Variants in MYH7B observed in about 807,000 individuals in gnomAD.
The protein encoded by MYH7B is myosin-7B.
A neutral mutation model predicts 234.5 loss-of-function variants in MYH7B; 205 were observed. The ratio of observed to expected loss-of-function variants is 0.87; its 90% CI spans 0.78 to 0.98. The LOEUF (loss-of-function observed/expected upper bound fraction) is 0.98, where lower values mean the gene tolerates loss of function less well. Among genes scored for constraint, MYH7B ranks in the 50% least tolerant of loss-of-function variants. The pLI is 0.00. For missense variants in MYH7B, 2,652 were observed against 2,633.4 expected, an observed-to-expected ratio of 1.01 and a Z score of -0.15; for synonymous variants, 1,193 against 1,105.0, an observed-to-expected ratio of 1.08 and a Z score of -1.58.
chr20:34,958,013 C>T (rs3761142), intron 1 of MYH7B, among the ~76,000 whole-genome samples, 85 bp from the exon 2 acceptor site: 44,498 of 152,016 alleles, frequency 0.29, 6,831 homozygotes, highest in African/African-American at 0.34. Flanking sequence ...GAAGAGGCTC[C>T]TGGGTCAACC....
chr20:34,983,467 C>T (rs1281405535), intron 10 of MYH7B, among the ~76,000 whole-genome samples: 2 of 151,904 alleles, frequency 1.3e-5, no homozygotes, highest in Non-Finnish European at 1.5e-5. Flanking sequence ...TCTCTGGGGA[C>T]GTAACAGAAA....
At chr20:34,999,479 G>A (rs913060818) in intron 36 of MYH7B, 74 bp downstream of exon 36, 8 of 1,525,932 alleles carry the variant, frequency 5.2e-6, no homozygotes, top group Non-Finnish European at 7.0e-6. Context: ...GGGGTGCCCT[G>A]GTGGGGCCAC....
Position 34,984,784 on chromosome 20 carries a change from C to T in MYH7B, c.648+69C>T, listed in dbSNP as rs937038648. The T allele has an allele frequency of 1.3e-5, 20 of 1,597,768 alleles. 1 individual carries two copies. In the South Asian group the frequency reaches 2.2e-4, roughly 18 times the overall value. ...CCCTTCCTCTGCACAACAGAGGGGC[C>T]ACGGGTGGCTCTGGCCTCCCGGTGG... On this transcript the variant is annotated intron_variant, in intron 11 of 44. Transcript: ENST00000262873.
At chr20:34,976,332 G>A (rs756480106) in intron 3 of MYH7B, among the ~76,000 whole-genome samples, 1 of 152,204 alleles carries the variant, frequency 6.6e-6, no homozygotes, top group East Asian at 1.9e-4. Flanking sequence ...GGAGCGCATC[G>A]GTCGGAGGAC....
At chr20:34,993,556 T>C (rs1222677966) in intron 26 of MYH7B, 86 bp downstream of exon 26, 3 of 1,383,980 alleles carry the variant, frequency 2.2e-6, no homozygotes, top group African/African-American at 2.9e-5. Context: ...CCTAACATGC[T>C]GCCCTGTAGT....
exon 3 of MYH7B, chr20:34,975,433 T>C: frequency 1.5e-6 from 1 of 677,162 alleles, no homozygotes; most frequent in Admixed American, 2.3e-5. Context: ...CAGGCTGGTC[T>C]TGAACTCCTG....
rs374653674 is a variant in MYH7B at position 34,984,867 on chromosome 20, A to G, written c.662A>G (p.Asp221Gly). The G allele has an allele frequency of 6.7e-5, 108 of 1,613,832 alleles. No homozygotes were observed. Among genetic ancestry groups the G allele is most frequent in the Non-Finnish European group, 8.6e-5 (101 of 1,179,894 alleles). ...CCACCGCCCCAGGGCACCCTTGAGGATCAAATCATCGAGGCCAACCCTGCC... is the reference window on the plus strand; with the variant it reads ...CCACCGCCCCAGGGCACCCTTGAGGGTCAAATCATCGAGGCCAACCCTGCC... Residue 221 changes from aspartate to glycine, a missense_variant, in exon 12 of 45, where the codon GAT (aspartate) becomes GGT (glycine). Asp to Gly is a moderately conservative substitution (Grantham distance 94). Transcript: ENST00000262873.
chr20:34,980,557 C>T, intron 7 of MYH7B, 21 bp from the exon 8 acceptor site: 1 of 1,598,848 alleles, frequency 6.3e-7, no homozygotes, highest in Non-Finnish European at 8.6e-7. Flanking sequence ...AACATAAACC[C>T]TACCTATACT....
exon 27 of MYH7B, chr20:34,994,290 G>A: frequency 6.2e-7 from 1 of 1,611,750 alleles, no homozygotes; most frequent in East Asian, 2.2e-5. Context: ...GGGCAGAGCT[G>A]CGGGGGTTGC....
At chr20:34,994,173 C>G (rs749769761) in exon 27 of MYH7B, 1 of 1,613,408 alleles carries the variant, frequency 6.2e-7, no homozygotes, top group South Asian at 1.1e-5. Flanking sequence ...TCCAGTGGAA[C>G]ATCCGTGCCT....
intron 2 of MYH7B, among the ~76,000 whole-genome samples, 194 bp from the exon 3 acceptor site, chr20:34,975,206 C>T (rs1049509791): frequency 6.6e-6 from 1 of 152,042 alleles, no homozygotes; most frequent in East Asian, 1.9e-4. Flanking sequence ...GTACAGGGTA[C>T]GGTTTTGTTT....
At chr20:34,997,667 C>T (rs1233149623) in intron 32 of MYH7B, 27 bp downstream of exon 32, 5 of 1,611,110 alleles carry the variant, frequency 3.1e-6, no homozygotes, top group African/African-American at 2.7e-5. Flanking sequence ...CACCCCATAC[C>T]CACCCTGACT....
intron 22 of MYH7B, 35 bp downstream of exon 22, chr20:34,990,345 T>G: frequency 6.2e-7 from 1 of 1,612,654 alleles, no homozygotes; most frequent in Admixed American, 1.7e-5. Flanking sequence ...CCCTCCCTCT[T>G]GGCAGCCTCC....
Position 34,992,969 on chromosome 20 carries a change from C to T in MYH7B, c.2184-133C>T, listed in dbSNP as rs878882719. ...CATGTGCCCTGCTGGAACCTCTGCA[C>T]CAGCCTCGGAGAGGCCCAGGAACGA... On this transcript the variant is annotated intron_variant, in intron 24 of 44. Coordinates refer to ENST00000262873, the Ensembl canonical transcript of MYH7B. 2.1e-5 allele frequency: 24 copies of T among 1,152,388 alleles called. No homozygotes were observed. In the South Asian group the frequency reaches 2.4e-4, roughly 11 times the overall value. The allele number at this position is 1,152,388 out of a possible 1,614,324, so 71.4% of individuals were successfully genotyped here.
chr20:34,993,055 GC>G lies in MYH7B; in HGVS notation c.2184-43del, dbSNP rs1182797996. On this transcript the variant is annotated intron_variant, in intron 24 of 44. Coordinates refer to ENST00000262873, the Ensembl canonical transcript of MYH7B. Reference sequence around the variant, plus strand: ...GACTTCCCCATTCTCAGTGGCCTGTGCCCCATACCCAGCCCTCTCCTGACCA... The same window carrying G: ...GACTTCCCCATTCTCAGTGGCCTGTGCCCATACCCAGCCCTCTCCTGACCA... 20 of 1,585,208 alleles carry G rather than the reference GC, an allele frequency of 1.3e-5. No homozygotes were observed. In the Admixed American group the frequency reaches 3.2e-4, roughly 26 times the overall value.
intron 2 of MYH7B, among the ~76,000 whole-genome samples, chr20:34,962,438 G>C (rs2081706557): frequency 6.6e-6 from 1 of 152,038 alleles, no homozygotes; most frequent in Admixed American, 6.6e-5. Context: ...TTATCCCTCT[G>C]TATCTGTGGG....
chr20:34,987,462 CTT>C (rs1411319495), intron 16 of MYH7B, 93 bp from the exon 17 acceptor site: 3 of 1,420,708 alleles, frequency 2.1e-6, no homozygotes, highest in Non-Finnish European at 2.9e-6. Flanking sequence ...CTTGACCCCT[CTT>C]AACTTCCCTC....
intron 7 of MYH7B, chr20:34,980,334 A>G (rs964781019): frequency 2.3e-6 from 1 of 436,120 alleles, no homozygotes; most frequent in Non-Finnish European, 4.2e-6. Context: ...GGATCACCTG[A>G]CGTCAGAAGT....
intron 16 of MYH7B, 81 bp from the exon 17 acceptor site, chr20:34,987,476 C>A: frequency 6.9e-7 from 1 of 1,440,534 alleles, no homozygotes; most frequent in Non-Finnish European, 9.6e-7. Context: ...ACTTCCCTCT[C>A]CTAGCCCCAG....
Sources: gnomAD v4.1 joint callset for allele counts (sites outside exome capture counted in the v4.1 genomes callset) on GRCh38, gnomAD v4.1.1 for gene constraint, MANE v1.5 for transcripts, NCBI Gene and HGNC (gene_info 2026-07-23, HGNC 2026-07-21) for gene names.